TPRG1L: variants seen among roughly 807,000 people sequenced by gnomAD.
TPRG1L encodes tumor protein p63 regulated 1 like.
In TPRG1L, 25 loss-of-function variants were observed where a neutral mutation model predicts 29.4. The observed-to-expected ratio is 0.85, with a 90% CI of 0.62 to 1.19. The LOEUF is 1.19. Among genes scored for constraint, TPRG1L ranks in the 50% most tolerant of loss-of-function variants. TPRG1L has a pLI of 0.00. For synonymous variants in TPRG1L, 182 were observed against 151.1 expected (o/e 1.20, Z -1.50); for missense variants, 354 against 364.4 (o/e 0.97, Z 0.23).
chr1:3,627,612 C>T lies in TPRG1L; in HGVS notation c.583C>T (p.Pro195Ser). Residue 195 changes from proline to serine, a missense_variant, in exon 4 of 5, where the codon CCG becomes TCG. By Grantham distance (74) the Pro-to-Ser change is moderately conservative. Transcript: ENST00000378344. Reference sequence around the variant, plus strand: ...GCCCTATGCCACTTTCACAGAACACCCGATGGCTGGCGCAGATGAGAAGAC... The same window carrying T: ...GCCCTATGCCACTTTCACAGAACACTCGATGGCTGGCGCAGATGAGAAGAC... Reference protein sequence around the residue: ...NVPYATFTEHPMAGADEKTAS... With the variant: ...NVPYATFTEHSMAGADEKTAS... 6.2e-7 allele frequency: 1 copy of T among 1,614,020 alleles called. No homozygotes were observed. The highest frequency in any genetic ancestry group is 8.5e-7 in the Non-Finnish European group (1 of 1,180,028).
intron 1 of TPRG1L, 59 bp downstream of exon 1, chr1:3,625,332 G>A: frequency 6.6e-7 from 1 of 1,521,490 alleles, no homozygotes; most frequent in Non-Finnish European, 8.8e-7. Flanking sequence ...ATGGGGGCGG[G>A]TGGGGTCGGA....
rs185136499 is a variant in TPRG1L, at chr1:3,625,803, G to A, written c.384G>A (p.Gln128=). The change falls in exon 3 of 5, where the codon CAG becomes CAA. Residue 128 remains glutamine, a synonymous_variant. Transcript: ENST00000378344. ...LICKYDFISL[Q]CQQVVRIALN... ...GTAAATACGACTTCATCAGTCTCCAGTGCCAGCAGGTGGTGCGGATAGCGC... is the reference window on the plus strand; with the variant it reads ...GTAAATACGACTTCATCAGTCTCCAATGCCAGCAGGTGGTGCGGATAGCGC... The A allele has an allele frequency of 2.5e-6, 4 of 1,613,818 alleles. No individual in the cohort carries two copies. The East Asian group carries it at 6.7e-5, about 27-fold the overall frequency.
Position 3,625,203 on chromosome 1 carries a change from A to G in TPRG1L, c.131A>G (p.Gln44Arg). The G allele has an allele frequency of 7.7e-7, 1 of 1,302,946 alleles. No homozygotes were observed. The highest frequency in any genetic ancestry group is 9.7e-7 in the Non-Finnish European group (1 of 1,027,858). The allele number at this position is 1,302,946 out of a possible 1,614,324, so 80.7% of individuals were successfully genotyped here. The change falls in exon 1 of 5, where the codon CAG becomes CGG. Residue 44 changes from glutamine (Q) to arginine (R), a missense_variant. Gln to Arg is a conservative substitution (Grantham distance 43). Transcript: ENST00000378344. ...GRPGAGTPLR[Q>R]TLWPLSIHDP... ...CCGGGGGCGGGGACGCCGCTGCGCC[A>G]GACACTCTGGCCTCTCAGCATCCAC...
In TPRG1L at chr1:3,628,417, C is replaced by T. The variant is rs1461561851; in HGVS notation, c.633C>T (p.Ser211=). Residue 211 remains serine (S), a synonymous_variant, in exon 5 of 5, where the codon AGC becomes AGT. Transcript: ENST00000378344. The part of the protein sequence containing the change: ...EKTASLCQLE[S]FKALLIQAVK... ...TTTTTCTCTCTTTAAAGTTGGAAAG[C>T]TTCAAGGCTCTGTTAATCCAAGCTG... 6.2e-7 allele frequency: 1 copy of T among 1,602,464 alleles called. No homozygotes were observed. The highest frequency in any genetic ancestry group is 8.5e-7 in the Non-Finnish European group (1 of 1,172,452).
chr1:3,629,381 T>C lies in TPRG1L; in HGVS notation c.*778T>C, dbSNP rs1570285553. The C allele has an allele frequency of 1.3e-5, 2 of 152,246 alleles. No individual in the cohort carries two copies. Among genetic ancestry groups the C allele is most frequent in the South Asian group, 4.1e-4 (2 of 4,838 alleles). 9.4% of individuals were successfully genotyped at this position (152,246 alleles called of 1,614,324 possible). The stretch of plus-strand genomic sequence containing the variant: ...GGATTCGAAGTTTGTATTGTATTCA[T>C]AGTTAAAGGGAATCGGGTACTTTGC... On this transcript the variant is annotated 3_prime_UTR_variant, in exon 5 of 5. Coordinates refer to ENST00000378344, the MANE Select transcript of TPRG1L (RefSeq NM_182752.4).
chr1:3,625,871 C>T lies in TPRG1L; in HGVS notation c.452C>T (p.Pro151Leu). ...DTISYGEFQF[P>L]PKSLNKREGF... ...ATTTCCTACGGAGAATTCCAGTTTC[C>T]CCCTAAATCGCTCAACAAGTAAGCC... The change falls in exon 3 of 5, where the codon CCC becomes CTC. Residue 151 changes from proline to leucine, a missense_variant. Pro to Leu is a moderately conservative substitution (Grantham distance 98, BLOSUM62 -3). Transcript: ENST00000378344. 6.2e-7 allele frequency: 1 copy of T among 1,611,834 alleles called. No homozygotes were observed. The highest frequency in any genetic ancestry group is 8.5e-7 in the Non-Finnish European group (1 of 1,179,706).
intron 4 of TPRG1L, 128 bp from the exon 5 acceptor site, chr1:3,628,281 A>G: frequency 1.3e-6 from 1 of 784,050 alleles, no homozygotes; most frequent in Non-Finnish European, 2.0e-6. Flanking sequence ...CAGCCCTTTC[A>G]AGTGAAGGGA....
rs754329784 is a variant in TPRG1L at position 3,625,731 on chromosome 1, T to C, written c.312T>C (p.Asn104=). ...WLLTEVDHWN[N]EKERLVLVTE... is the part of the protein sequence containing the mutation. ...CCTACAGGGTGGATCACTGGAACAA[T>C]GAGAAGGAGCGGCTGGTGCTGGTCA... The change falls in exon 3 of 5, where the codon AAT becomes AAC. Residue 104 remains asparagine, a synonymous_variant. Transcript: ENST00000378344. 2.5e-6 allele frequency: 4 copies of C among 1,612,994 alleles called. No homozygotes were observed. Among genetic ancestry groups the C allele is most frequent in the African/African-American group, 1.3e-5 (1 of 74,934 alleles).
Position 3,625,021 on chromosome 1 carries a change from G to GGCGACGGCGGTC in TPRG1L, c.-48_-37dup. ...GCGGCCGGGTGGTGGCGGTGGCTGC[G>GGCGACGGCGGTC]GCGACGGCGGTCGCGTCGGCGTCAG... On this transcript the variant is annotated 5_prime_UTR_variant, in exon 1 of 5. Transcript: ENST00000378344. The GGCGACGGCGGTC allele has an allele frequency of 8.5e-7, 1 of 1,179,192 alleles. No individual in the cohort carries two copies. 73.0% of individuals were successfully genotyped at this position (1,179,192 alleles called of 1,614,324 possible).
rs976203494 is a variant in TPRG1L, at chr1:3,629,887, C to T, written c.*1284C>T. The stretch of plus-strand genomic sequence containing the variant: ...CACCTCCCTGTATCTGCGCAGCTTG[C>T]TCGTGTGGCTGGAAGCGCTGTCGAT... On this transcript the variant is annotated 3_prime_UTR_variant, in exon 5 of 5. Transcript: ENST00000378344. The T allele has an allele frequency of 6.6e-6, 1 of 152,238 alleles. No individual in the cohort carries two copies. The highest frequency in any genetic ancestry group is 2.4e-5 in the African/African-American group (1 of 41,448). 9.4% of individuals were successfully genotyped at this position (152,238 alleles called of 1,614,324 possible).
At chr1:3,625,662 A>G in intron 2 of TPRG1L, 51 bp from the exon 3 acceptor site, 1 of 1,583,208 alleles carries the variant, frequency 6.3e-7, no homozygotes, top group Non-Finnish European at 8.6e-7. Context: ...GCCTTGGCTA[A>G]GTCGAGACAG....
At chr1:3,626,401 C>A (rs1381522915) in intron 3 of TPRG1L, among the ~76,000 whole-genome samples, 3 of 152,114 alleles carry the variant, frequency 2.0e-5, no homozygotes, top group Non-Finnish European at 4.4e-5. Flanking sequence ...ACGTGAGGAA[C>A]CTAAACATTA....
Position 3,628,746 on chromosome 1 carries a change from C to T in TPRG1L, c.*143C>T, listed in dbSNP as rs1363793599. The T allele has an allele frequency of 8.4e-6, 6 of 714,812 alleles. No individual in the cohort carries two copies. The highest frequency in any genetic ancestry group is 1.1e-5 in the Non-Finnish European group (5 of 443,264). 44.3% of individuals were successfully genotyped at this position (714,812 alleles called of 1,614,324 possible). On this transcript the variant is annotated 3_prime_UTR_variant, in exon 5 of 5. Transcript: ENST00000378344. ...TGCTGGAAGGATGGGGATCTTTCACCTTTAGGGATCTCAGCACAATTAGAA... is the reference window on the plus strand; with the variant it reads ...TGCTGGAAGGATGGGGATCTTTCACTTTTAGGGATCTCAGCACAATTAGAA...
Position 3,625,524 on chromosome 1 carries a change from G to A in TPRG1L, c.293+9G>A, listed in dbSNP as rs371649132. On this transcript the variant is annotated intron_variant, in intron 2 of 4. Transcript: ENST00000378344. ...GTGTGGCTGCTTACCGAGTAAGCCG[G>A]GGCTGCGCTCTCCTTGGTGGGGGGA... 27 of 1,595,584 alleles carry A rather than the reference G, an allele frequency of 1.7e-5. No homozygotes were observed. In the African/African-American group the frequency reaches 2.4e-4, roughly 14 times the overall value.
At chr1:3,625,312 G>A (rs1287351522) in intron 1 of TPRG1L, 39 bp downstream of exon 1, 4 of 1,452,638 alleles carry the variant, frequency 2.8e-6, no homozygotes, top group African/African-American at 3.0e-5. Context: ...GGCCGAGGGC[G>A]CGGGGCGGGA....
chr1:3,626,514 A>G (rs1192112750), intron 3 of TPRG1L, among the ~76,000 whole-genome samples: 1 of 152,138 alleles, frequency 6.6e-6, no homozygotes, highest in Non-Finnish European at 1.5e-5. Context: ...TAAAACATTT[A>G]ATATGACATA....
rs1196292830 is a variant in TPRG1L at position 3,625,413 on chromosome 1, A to T, written c.202-11A>T. On this transcript the variant is annotated splice_polypyrimidine_tract_variant and intron_variant, in intron 1 of 4. Transcript: ENST00000378344. ...TCTTTGCCCCCGTCCCCCACCCCGC[A>T]ACCCGCCCAGCCCGGCAGCATCGAG... The T allele has an allele frequency of 6.3e-7, 1 of 1,581,554 alleles. No individual in the cohort carries two copies.
Position 3,627,481 on chromosome 1 carries a change from A to G in TPRG1L, c.471-19A>G. On this transcript the variant is annotated intron_variant, in intron 3 of 4. Coordinates refer to ENST00000378344, the MANE Select transcript of TPRG1L (RefSeq NM_182752.4). ...GTGGCCTGCCATGCTAAGTCTGGCT[A>G]TTTCTTCTGACTTTTCAGGCGAGAA... The G allele has an allele frequency of 6.2e-7, 1 of 1,613,416 alleles. No homozygotes were observed. The highest frequency in any genetic ancestry group is 1.1e-5 in the South Asian group (1 of 91,072).
intron 3 of TPRG1L, 37 bp from the exon 4 acceptor site, chr1:3,627,463 G>T: frequency 6.2e-7 from 1 of 1,611,704 alleles, no homozygotes; most frequent in Non-Finnish European, 8.5e-7. Context: ...ACTGTGGCCT[G>T]CCATGCTAAG....
Sources: allele counts gnomAD v4.1 joint callset (sites outside exome capture counted in the v4.1 genomes callset), GRCh38; gene constraint gnomAD v4.1.1; transcripts MANE v1.5; gene names NCBI Gene and HGNC (gene_info 2026-07-23, HGNC 2026-07-21).